Variants in RBM47 observed in about 807,000 individuals in gnomAD.
RBM47 encodes the protein RNA binding motif protein 47.
A neutral mutation model predicts 47.1 loss-of-function variants in RBM47; 21 were observed. The observed-to-expected ratio is 0.45, with a 90% confidence interval of 0.32 to 0.64. The LOEUF is 0.64. RBM47 is among the 30% of genes least tolerant of loss of function. RBM47 has a pLI of 0.05. For missense variants in RBM47, 708 were observed against 870.9 expected (o/e 0.81, Z 2.35); for synonymous variants, 375 against 361.7 (o/e 1.04, Z -0.42).
chr4:40,465,385 G>A lies in RBM47; in HGVS notation c.-32+1192C>T, dbSNP rs934323581. ...CATAGAAAGATCTCAGCTCAGCGGGGCACTGTGCCTCATGCCTGTAATCCT... is the reference window on the plus strand; with the variant it reads ...CATAGAAAGATCTCAGCTCAGCGGGACACTGTGCCTCATGCCTGTAATCCT... On this transcript the variant is annotated intron_variant, in intron 3 of 6. Transcript: ENST00000295971. Among the ~76,000 whole-genome samples the A allele has an allele frequency of 1.3e-5, 2 of 152,120 alleles. 1 individual carries two copies. The highest frequency in any genetic ancestry group is 1.3e-4 in the Admixed American group (2 of 15,260).
rs537161621 is a variant in RBM47, at chr4:40,426,211, A to G, written c.1543-68T>C. ...TGTACCTATCATCCATTCATTCAAC[A>G]AGCCTCTCCCAGAAGACGGGAATAC... On this transcript the variant is annotated intron_variant, in intron 6 of 6. Coordinates refer to ENST00000295971, the MANE Select transcript of RBM47 (RefSeq NM_001098634.2). 105 of 1,545,444 alleles carry G rather than the reference A, an allele frequency of 6.8e-5. No homozygotes were observed. In the East Asian group the frequency reaches 1.1e-3, roughly 16 times the overall value.
chr4:40,591,359 A>G (rs1336290729), intron 1 of RBM47, among the ~76,000 whole-genome samples: 1 of 152,132 alleles, frequency 6.6e-6, no homozygotes, highest in Non-Finnish European at 1.5e-5. Context: ...ATTTTGGTCT[A>G]AAAAAAGGCA....
intron 2 of RBM47, among the ~76,000 whole-genome samples, chr4:40,490,267 T>C (rs1721681789): frequency 6.6e-6 from 1 of 151,378 alleles, no homozygotes; most frequent in Admixed American, 6.6e-5. Context: ...TACTTGTTTC[T>C]AGCCAGGATA....
intron 2 of RBM47, among the ~76,000 whole-genome samples, chr4:40,478,780 C>T (rs956424063): frequency 6.6e-6 from 1 of 152,152 alleles, no homozygotes. Flanking sequence ...ACCCCCATGC[C>T]CAGCCTACTT....
chr4:40,510,791 G>A (rs1318712327), intron 2 of RBM47, among the ~76,000 whole-genome samples: 1 of 152,162 alleles, frequency 6.6e-6, no homozygotes, highest in African/African-American at 2.4e-5. Context: ...TCAATAGGGG[G>A]ACGGGCATGA....
chr4:40,598,315 C>G (rs1734937699), intron 1 of RBM47, among the ~76,000 whole-genome samples: 1 of 152,100 alleles, frequency 6.6e-6, no homozygotes, highest in South Asian at 2.1e-4. Flanking sequence ...TGTGTGATCT[C>G]AGCTCACTGC....
chr4:40,602,378 G>A (rs908612432), intron 1 of RBM47, among the ~76,000 whole-genome samples: 2 of 151,884 alleles, frequency 1.3e-5, no homozygotes, highest in Non-Finnish European at 1.5e-5. Flanking sequence ...GGCCGGGCGC[G>A]GTCGCTCACG....
intron 1 of RBM47, among the ~76,000 whole-genome samples, chr4:40,580,821 G>A (rs1379847869): frequency 6.6e-6 from 1 of 152,214 alleles, no homozygotes; most frequent in Non-Finnish European, 1.5e-5. Context: ...AGAGGAATGG[G>A]ACAGAGATTA....
rs561363837 is a variant in RBM47 at position 40,596,859 on chromosome 4, A to G, written c.-240+32537T>C. Among the ~76,000 whole-genome samples the G allele has an allele frequency of 1.4e-4, 21 of 152,260 alleles. No individual in the cohort carries two copies. The East Asian group carries it at 3.9e-3, about 28-fold the overall frequency. ...CACGAGGGGCTTCAGTTATCTCTCC[A>G]GTGGTTTATTCCTCATGTTGGTCCC... On this transcript the variant is annotated intron_variant, in intron 1 of 6. Coordinates refer to ENST00000295971, the MANE Select transcript of RBM47 (RefSeq NM_001098634.2).
At chr4:40,540,615 G>C (rs1375085777) in intron 2 of RBM47, among the ~76,000 whole-genome samples, 1 of 145,162 alleles carries the variant, frequency 6.9e-6, no homozygotes, top group Non-Finnish European at 1.5e-5. Flanking sequence ...TCCAGCCTAG[G>C]TAACAGGAGT....
chr4:40,428,462 C>G, intron 6 of RBM47, among the ~76,000 whole-genome samples: 1 of 152,176 alleles, frequency 6.6e-6, no homozygotes, highest in Non-Finnish European at 1.5e-5. Context: ...AGTGTCTCAT[C>G]AGTGACATTT....
At chr4:40,444,191 C>T (rs904325744) in intron 3 of RBM47, among the ~76,000 whole-genome samples, 2 of 152,014 alleles carry the variant, frequency 1.3e-5, no homozygotes, top group Admixed American at 6.6e-5. Flanking sequence ...AGAGTGAGAA[C>T]CTGTCTCAAA....
chr4:40,536,723 GT>G (rs1464796112), intron 2 of RBM47, among the ~76,000 whole-genome samples: 6 of 126,756 alleles, frequency 4.7e-5, no homozygotes, highest in African/African-American at 1.5e-4. Flanking sequence ...GTGTGTTTTT[GT>G]TTTTTTTTTA....
At chr4:40,530,600 C>G (rs913979547) in intron 2 of RBM47, among the ~76,000 whole-genome samples, 12 of 152,302 alleles carry the variant, frequency 7.9e-5, no homozygotes, top group African/African-American at 2.6e-4. Context: ...GCGTCCAGCC[C>G]TATTTTTCTT....
At chr4:40,606,666 T>C (rs1257015920) in intron 1 of RBM47, among the ~76,000 whole-genome samples, 1 of 152,038 alleles carries the variant, frequency 6.6e-6, no homozygotes, top group African/African-American at 2.4e-5. Context: ...CCTGGGCAAA[T>C]TGCTTTACCT....
rs191600315 is a variant in RBM47 at position 40,527,178 on chromosome 4, C to T, written c.-155+17244G>A. 6.3e-4 allele frequency among the ~76,000 whole-genome samples: 96 copies of T among 152,182 alleles called. 1 individual carries two copies. Among genetic ancestry groups the T allele is most frequent in the African/African-American group, 2.0e-3 (85 of 41,528 alleles). Reference sequence around the variant, plus strand: ...TGCCCAGGCAGCCACCCTGCAGTGTCGTGGTGTGATCTTGGCTCACTGCAA... The same window carrying T: ...TGCCCAGGCAGCCACCCTGCAGTGTTGTGGTGTGATCTTGGCTCACTGCAA... On this transcript the variant is annotated intron_variant, in intron 2 of 6. Transcript: ENST00000295971.
chr4:40,439,124 C>T (rs997707811), intron 3 of RBM47, among the ~76,000 whole-genome samples, 200 bp from the exon 4 acceptor site: 3 of 151,902 alleles, frequency 2.0e-5, no homozygotes, highest in African/African-American at 7.3e-5. Context: ...CAGCAAAAAC[C>T]AGAAGTGAGT....
chr4:40,509,234 T>C (rs184948664), intron 2 of RBM47, among the ~76,000 whole-genome samples: 9 of 152,142 alleles, frequency 5.9e-5, no homozygotes, highest in African/African-American at 2.2e-4. Context: ...TTTAATATTT[T>C]CTCTGAATGA....
intron 1 of RBM47, among the ~76,000 whole-genome samples, chr4:40,552,329 T>C (rs1729640412): frequency 6.6e-6 from 1 of 151,564 alleles, no homozygotes; most frequent in Admixed American, 6.6e-5. Context: ...ACCTGGGAGG[T>C]GGAGGTTGCA....
Sources: allele counts gnomAD v4.1 joint callset (sites outside exome capture counted in the v4.1 genomes callset), GRCh38; gene constraint gnomAD v4.1.1; transcripts MANE v1.5; gene names NCBI Gene and HGNC (gene_info 2026-07-23, HGNC 2026-07-21).